Variants in AKAP12 observed in about 807,000 individuals in gnomAD.
The protein encoded by AKAP12 is A-kinase anchor protein 12.
In AKAP12, 32 loss-of-function variants were observed where a neutral mutation model predicts 79.9. The ratio of observed to expected loss-of-function variants is 0.40; its 90% CI spans 0.30 to 0.54. The LOEUF (loss-of-function observed/expected upper bound fraction) is 0.54, where lower values mean the gene tolerates loss of function less well. Among genes scored for constraint, AKAP12 ranks in the 20% least tolerant of loss-of-function variants. The pLI is 0.48. For synonymous variants in AKAP12, 808 were observed against 857.0 expected (o/e 0.94, Z 1.00); for missense variants, 2,074 against 2,177.0 (o/e 0.95, Z 0.94).
chr6:151,301,207 A>G (rs1041726663), intron 2 of AKAP12, among the ~76,000 whole-genome samples: 25 of 152,270 alleles, frequency 1.6e-4, no homozygotes, highest in African/African-American at 5.8e-4. Context: ...CTCTCTGGGC[A>G]GAGCTGTGTG....
chr6:151,318,675 C>G (rs1777290834), intron 3 of AKAP12, among the ~76,000 whole-genome samples: 1 of 152,184 alleles, frequency 6.6e-6, no homozygotes, highest in African/African-American at 2.4e-5. Flanking sequence ...GTGGCTCATG[C>G]CTGTAATTCC....
intron 2 of AKAP12, among the ~76,000 whole-genome samples, chr6:151,271,599 T>C (rs984236258): frequency 1.4e-5 from 2 of 146,326 alleles, no homozygotes; most frequent in African/African-American, 5.0e-5. Flanking sequence ...TGGGATTACA[T>C]GTGCGAGCCA....
chr6:151,304,430 A>G (rs1212731687), intron 2 of AKAP12, among the ~76,000 whole-genome samples: 1 of 127,388 alleles, frequency 7.9e-6, no homozygotes, highest in East Asian at 2.8e-4. Flanking sequence ...TGGAGGTTGC[A>G]GTGAACCGAG....
chr6:151,296,304 A>G (rs1020662477), intron 2 of AKAP12, among the ~76,000 whole-genome samples: 1 of 152,200 alleles, frequency 6.6e-6, no homozygotes, highest in Non-Finnish European at 1.5e-5. Flanking sequence ...CTATGCTTTG[A>G]TAATAGCTCT....
Position 151,277,080 on chromosome 6 carries a change from G to A in AKAP12, c.163-28667G>A, listed in dbSNP as rs370921936. On this transcript the variant is annotated intron_variant, in intron 2 of 4. Coordinates refer to ENST00000402676, the MANE Select transcript of AKAP12 (RefSeq NM_005100.4). ...CAACCTGTGCAATCTTGAAGATACCGAAGAAAATGAATAGGAATCCATCCT... is the reference window on the plus strand; with the variant it reads ...CAACCTGTGCAATCTTGAAGATACCAAAGAAAATGAATAGGAATCCATCCT... Among the ~76,000 whole-genome samples, 5 of 152,270 alleles carry A rather than the reference G, an allele frequency of 3.3e-5. No individual in the cohort carries two copies. The East Asian group carries it at 5.8e-4, about 18-fold the overall frequency.
intron 2 of AKAP12, among the ~76,000 whole-genome samples, chr6:151,252,560 A>T (rs1034153381): frequency 6.6e-6 from 1 of 151,774 alleles, no homozygotes; most frequent in African/African-American, 2.4e-5. Context: ...GGCTATGGAG[A>T]AGTGCAGGTG....
chr6:151,343,105 C>T (rs1431136899), intron 3 of AKAP12, among the ~76,000 whole-genome samples: 8 of 152,106 alleles, frequency 5.3e-5, no homozygotes, highest in East Asian at 1.9e-4. Flanking sequence ...GGTTCACGAA[C>T]CTTTATCTCC....
In AKAP12 at chr6:151,353,330, G is replaced by C. The variant is rs770870479; in HGVS notation, c.4939G>C (p.Glu1647Gln). 6.2e-7 allele frequency: 1 copy of C among 1,614,196 alleles called. No homozygotes were observed. The highest frequency in any genetic ancestry group is 1.7e-5 in the Admixed American group (1 of 60,014). The change falls in exon 4 of 5, where the codon GAA (glutamate) becomes CAA (glutamine). Residue 1647 changes from glutamate to glutamine, a missense_variant. By Grantham distance (29) the Glu-to-Gln change is conservative. This residue lies in a region of AKAP12 where 614 missense variants were observed against 665.6 expected (regional missense o/e 0.92). Coordinates refer to ENST00000402676, the MANE Select transcript of AKAP12 (RefSeq NM_005100.4). The part of the protein sequence containing the change: ...ASEKTMTVEV[E>Q]GSTVNDQQLE... The stretch of plus-strand genomic sequence containing the variant: ...AGAAAAGACCATGACTGTTGAGGTA[G>C]AAGGTTCCACTGTAAATGATCAGCA...
intron 2 of AKAP12, among the ~76,000 whole-genome samples, chr6:151,270,248 G>A (rs1373530078): frequency 2.6e-5 from 4 of 152,118 alleles, no homozygotes; most frequent in African/African-American, 7.2e-5. Flanking sequence ...AGTAGAGATG[G>A]AATTTCTCCA....
At position 151,357,487 on chromosome 6, in the gene AKAP12, A is replaced by T. The variant is rs540187073; in HGVS notation, c.*1773A>T. 2.8e-4 allele frequency: 42 copies of T among 152,320 alleles called. No homozygotes were observed. The highest frequency in any genetic ancestry group is 1.2e-3 in the South Asian group (6 of 4,826). 9.4% of individuals were successfully genotyped at this position (152,320 alleles called of 1,614,324 possible). ...TGGAAAGCCTAGTTTTAATGGAAAG[A>T]AAGTTTGCTTTTAAAACTGAAAGTA... On this transcript the variant is annotated 3_prime_UTR_variant, in exon 5 of 5. Coordinates refer to ENST00000402676, the MANE Select transcript of AKAP12 (RefSeq NM_005100.4).
At chr6:151,305,321 A>T (rs766351695) in intron 2 of AKAP12, among the ~76,000 whole-genome samples, 5 of 152,168 alleles carry the variant, frequency 3.3e-5, no homozygotes, top group African/African-American at 1.2e-4. Flanking sequence ...TGTTCAGTCA[A>T]TTATGCTTAA....
chr6:151,244,002 A>G (rs1013700525), intron 2 of AKAP12, among the ~76,000 whole-genome samples: 1 of 152,142 alleles, frequency 6.6e-6, no homozygotes, highest in African/African-American at 2.4e-5. Flanking sequence ...TCAATTAATT[A>G]GCCTTTCTAT....
chr6:151,353,710 ATC>A lies in AKAP12; in HGVS notation c.5321_5322del (p.Ser1774CysfsTer33). The A allele has an allele frequency of 6.2e-7, 1 of 1,601,002 alleles. No homozygotes were observed. The highest frequency in any genetic ancestry group is 2.2e-5 in the East Asian group (1 of 44,740). On this transcript the variant is annotated frameshift_variant, in exon 4 of 5. Coordinates refer to ENST00000402676, the MANE Select transcript of AKAP12 (RefSeq NM_005100.4). LOFTEE classifies it low-confidence loss of function (END_TRUNC). ...AGGAGTTACAGAAACAAGAGAGAGA[ATC>A]TGCAAAGTCAGAACTTACAGAATCT... Reference protein sequence around the residue: ...QEELQKQERESAKSELTES With the variant: ...QEELQKQEREXAKSELTES
At chr6:151,319,487 A>ATCTG (rs74280000) in intron 3 of AKAP12, 1 of 127,854 alleles carries the variant, frequency 7.8e-6, no homozygotes, top group African/African-American at 3.7e-5. Flanking sequence ...CTATCTATCT[A>ATCTG]CTATCTATAA....
chr6:151,323,833 G>A (rs1287933478), intron 3 of AKAP12: 1 of 985,278 alleles, frequency 1.0e-6, no homozygotes, highest in Non-Finnish European at 1.2e-6. Flanking sequence ...TTTCAGAAGT[G>A]GCACCAGATG....
At chr6:151,284,734 A>C (rs949702388) in intron 2 of AKAP12, among the ~76,000 whole-genome samples, 4 of 152,144 alleles carry the variant, frequency 2.6e-5, no homozygotes, top group Non-Finnish European at 5.9e-5. Flanking sequence ...TCAAAACTCA[A>C]CTTTTTCTGG....
chr6:151,244,796 C>G (rs987215828), intron 2 of AKAP12, among the ~76,000 whole-genome samples: 41 of 152,294 alleles, frequency 2.7e-4, no homozygotes, highest in African/African-American at 9.4e-4. Flanking sequence ...CTGCTAATTT[C>G]TGATCAGAAC....
At chr6:151,254,138 T>C (rs1339839472) in intron 2 of AKAP12, among the ~76,000 whole-genome samples, 1 of 152,204 alleles carries the variant, frequency 6.6e-6, no homozygotes, top group Non-Finnish European at 1.5e-5. Context: ...TGAAAAGCAG[T>C]GGAACATGTC....
At chr6:151,339,694 T>C (rs1001931493) in intron 3 of AKAP12, among the ~76,000 whole-genome samples, 2 of 152,190 alleles carry the variant, frequency 1.3e-5, no homozygotes, top group African/African-American at 4.8e-5. Context: ...TACAGTGTCA[T>C]GCAAAATGGC....
Sources: gnomAD v4.1 joint callset for allele counts (sites outside exome capture counted in the v4.1 genomes callset) on GRCh38, gnomAD v4.1.1 for gene constraint, gnomAD v4.1.1 regional missense constraint, MANE v1.5 for transcripts, NCBI Gene and HGNC (gene_info 2026-07-23, HGNC 2026-07-21) for gene names.